Variants in NFATC1 observed in about 807,000 individuals in gnomAD.
The protein encoded by NFATC1 is nuclear factor of activated T-cells, cytoplasmic 1.
NFATC1 carries 22 observed loss-of-function variants against 76.0 expected under a neutral mutation model. The observed-to-expected ratio is 0.29, with a 90% CI of 0.21 to 0.41. The LOEUF (loss-of-function observed/expected upper bound fraction) is 0.41. NFATC1 is among the 10% of genes least tolerant of loss of function. The pLI is 1.00. For synonymous variants in NFATC1, 704 were observed against 613.1 expected, an observed-to-expected ratio of 1.15 and a Z score of -2.19; for missense variants, 1,357 against 1,337.7, an observed-to-expected ratio of 1.01 and a Z score of -0.23.
intron 1 of NFATC1, among the ~76,000 whole-genome samples, chr18:79,401,947 A>G (rs1482660866): frequency 2.0e-5 from 3 of 152,072 alleles, no homozygotes; most frequent in Admixed American, 2.0e-4. Flanking sequence ...CTGGCTGAAG[A>G]TTTCACTGCT....
chr18:79,409,344 C>CCATCCATCCATCATCATT (rs2085570013), intron 1 of NFATC1, among the ~76,000 whole-genome samples: 1 of 150,814 alleles, frequency 6.6e-6, no homozygotes, highest in Non-Finnish European at 1.5e-5. Flanking sequence ...ATCCATCCAT[C>CCATCCATCCATCATCATT]CATCCATCCA....
chr18:79,445,613 G>A (rs539298369), intron 3 of NFATC1, among the ~76,000 whole-genome samples: 2 of 152,346 alleles, frequency 1.3e-5, no homozygotes, highest in South Asian at 2.1e-4. Flanking sequence ...GGTTGAAACC[G>A]GTTTGTGAGC....
At chr18:79,463,875 C>G (rs1600811237) in intron 7 of NFATC1, among the ~76,000 whole-genome samples, 1 of 152,092 alleles carries the variant, frequency 6.6e-6, no homozygotes, top group East Asian at 1.9e-4. Flanking sequence ...GCTGGCCTGC[C>G]CTGTCCCCCT....
chr18:79,429,859 G>A (rs368417872), intron 2 of NFATC1, among the ~76,000 whole-genome samples: 1 of 152,258 alleles, frequency 6.6e-6, no homozygotes, highest in African/African-American at 2.4e-5. Flanking sequence ...GCACCGCGGC[G>A]TCGGGTCAAC....
intron 8 of NFATC1, among the ~76,000 whole-genome samples, chr18:79,476,989 C>T (rs986043522): frequency 6.6e-6 from 1 of 152,244 alleles, no homozygotes; most frequent in African/African-American, 2.4e-5. Context: ...GGACCCTTCT[C>T]TGTCTCCCAC....
At chr18:79,412,442 T>C (rs887936314) in intron 2 of NFATC1, among the ~76,000 whole-genome samples, 1 of 151,512 alleles carries the variant, frequency 6.6e-6, no homozygotes, top group Admixed American at 6.6e-5. Flanking sequence ...TTTGTTTTTT[T>C]TTTTTTTTCG....
chr18:79,469,692 T>A (rs2088694535), intron 8 of NFATC1: 1 of 985,742 alleles, frequency 1.0e-6, no homozygotes, highest in African/African-American at 1.7e-5. Context: ...TTCCCCAGGC[T>A]CACCCTGGGC....
At chr18:79,400,887 CA>C (rs1261310732) in intron 1 of NFATC1, among the ~76,000 whole-genome samples, 1 of 1,500 alleles carries the variant, frequency 6.7e-4, no homozygotes, top group African/African-American at 4.6e-3. Context: ...TCCCTCCCCC[CA>C]GCCACCCTCC....
intron 9 of NFATC1, chr18:79,527,313 G>A (rs2090794489): frequency 1.8e-6 from 1 of 546,242 alleles, no homozygotes; most frequent in Non-Finnish European, 3.3e-6. Flanking sequence ...ACGGACGAGG[G>A]CGGTCACTCT....
chr18:79,439,863 C>T (rs994594335), intron 3 of NFATC1, among the ~76,000 whole-genome samples: 3 of 152,298 alleles, frequency 2.0e-5, no homozygotes, highest in South Asian at 4.1e-4. Context: ...GGGGCAGATT[C>T]GCTGTGTCAG....
At chr18:79,407,847 G>T (rs2085495821) in intron 1 of NFATC1, among the ~76,000 whole-genome samples, 1 of 152,180 alleles carries the variant, frequency 6.6e-6, no homozygotes, top group Admixed American at 6.5e-5. Flanking sequence ...AGGCGGGACT[G>T]GGGCCTGGCT....
chr18:79,441,099 C>G (rs1158635298), intron 3 of NFATC1, among the ~76,000 whole-genome samples: 1 of 152,256 alleles, frequency 6.6e-6, no homozygotes, highest in Non-Finnish European at 1.5e-5. Context: ...GACGCACCAT[C>G]ATACACACTT....
intron 8 of NFATC1, among the ~76,000 whole-genome samples, chr18:79,477,786 G>A (rs188692202): frequency 2.6e-5 from 4 of 152,296 alleles, no homozygotes; most frequent in Non-Finnish European, 4.4e-5. Flanking sequence ...TGGTACGGTC[G>A]GGTTCTGGTG....
chr18:79,416,228 G>A (rs1367725168), intron 2 of NFATC1, among the ~76,000 whole-genome samples: 2 of 152,244 alleles, frequency 1.3e-5, no homozygotes, highest in Non-Finnish European at 2.9e-5. Context: ...AAGTTTCACA[G>A]TTTATCACAA....
At chr18:79,466,233 C>G (rs1337889524) in intron 7 of NFATC1, among the ~76,000 whole-genome samples, 2 of 152,232 alleles carry the variant, frequency 1.3e-5, no homozygotes, top group East Asian at 3.8e-4. Context: ...TAATGTGATT[C>G]AATCAATTTG....
At chr18:79,406,978 G>A (rs770185308) in intron 1 of NFATC1, among the ~76,000 whole-genome samples, 6 of 152,340 alleles carry the variant, frequency 3.9e-5, no homozygotes, top group South Asian at 2.1e-4. Flanking sequence ...GTTGTCCAGC[G>A]GGTCTGATGC....
intron 3 of NFATC1, among the ~76,000 whole-genome samples, chr18:79,440,531 G>A (rs534031988): frequency 1.3e-5 from 2 of 152,232 alleles, no homozygotes; most frequent in African/African-American, 4.8e-5. Flanking sequence ...CTGCTTCCCC[G>A]CAGACACCGT....
intron 1 of NFATC1, among the ~76,000 whole-genome samples, chr18:79,408,839 TCATC>T (rs906083008): frequency 5.9e-5 from 9 of 151,554 alleles, no homozygotes; most frequent in African/African-American, 1.9e-4. Context: ...CATCCATCCA[TCATC>T]CATCCATCCA....
intron 9 of NFATC1, among the ~76,000 whole-genome samples, chr18:79,520,784 T>G (rs1371222958): frequency 3.4e-5 from 2 of 58,464 alleles, no homozygotes; most frequent in African/African-American, 1.6e-4. Flanking sequence ...TGTGTGTGTG[T>G]GTGGGGGGGC....
Sources: allele counts gnomAD v4.1 joint callset (sites outside exome capture counted in the v4.1 genomes callset), GRCh38; gene constraint gnomAD v4.1.1; transcripts MANE v1.5; gene names NCBI Gene and HGNC (gene_info 2026-07-23, HGNC 2026-07-21).